The following EXD2 variants were observed in gnomAD, a reference collection of about 807,000 sequenced individuals.
EXD2 encodes exonuclease 3'-5' domain-containing protein 2.
In EXD2, 40 loss-of-function variants were observed where a neutral mutation model predicts 62.5. That is an observed-to-expected ratio of 0.64 (90% CI 0.50 to 0.83). The LOEUF (loss-of-function observed/expected upper bound fraction) is 0.83. EXD2 is among the 40% of genes least tolerant of loss of function. The pLI is 0.00. For missense variants in EXD2, 671 were observed against 761.8 expected (o/e 0.88, Z 1.40); for synonymous variants, 239 against 291.9 (o/e 0.82, Z 1.85).
At chr14:69,218,642 G>T (rs1444821322) in intron 3 of EXD2, among the ~76,000 whole-genome samples, 1 of 152,034 alleles carries the variant, frequency 6.6e-6, no homozygotes, top group Non-Finnish European at 1.5e-5. Flanking sequence ...ATGGTTTTAG[G>T]TCTAACATTT....
intron 8 of EXD2, 80 bp from the exon 9 acceptor site, chr14:69,237,495 C>A: frequency 7.5e-7 from 1 of 1,339,742 alleles, no homozygotes; most frequent in Non-Finnish European, 1.1e-6. Context: ...CCAGTTAGAA[C>A]CCCAGTAGCC....
chr14:69,222,935 C>T (rs779000269), intron 3 of EXD2, among the ~76,000 whole-genome samples: 2 of 152,174 alleles, frequency 1.3e-5, no homozygotes, highest in African/African-American at 2.4e-5. Flanking sequence ...TTAGAGAATT[C>T]ATGCCTCATA....
chr14:69,237,978 A>G (rs2043857297), intron 9 of EXD2, 47 bp downstream of exon 9: 1 of 1,483,752 alleles, frequency 6.7e-7, no homozygotes. Flanking sequence ...ATTAACCCTC[A>G]TTACTTAGTG....
At chr14:69,216,065 G>A (rs1195267166) in intron 3 of EXD2, among the ~76,000 whole-genome samples, 1 of 151,976 alleles carries the variant, frequency 6.6e-6, no homozygotes, top group Non-Finnish European at 1.5e-5. Flanking sequence ...GGAGTTTTAT[G>A]GTTTTAACCT....
Position 69,221,754 on chromosome 14 carries a change from C to T in EXD2, c.334-7062C>T, listed in dbSNP as rs139558184. ...CTGCACTACAGCCTGGGCAGCAAAG[C>T]GAGACCCTGTCTCCCCCTCCAAAAA... On this transcript the variant is annotated intron_variant, in intron 3 of 9. Coordinates refer to ENST00000685843, the MANE Select transcript of EXD2 (RefSeq NM_001193360.2). 2.1e-3 allele frequency among the ~76,000 whole-genome samples: 315 copies of T among 150,998 alleles called. 2 individuals carry two copies. The highest frequency in any genetic ancestry group is 7.1e-3 in the African/African-American group (290 of 41,076).
rs1187091842 is a variant in EXD2 at position 69,242,999 on chromosome 14, G to T, written c.*1899G>T. 2.0e-5 allele frequency: 3 copies of T among 152,090 alleles called. No individual in the cohort carries two copies. Among genetic ancestry groups the T allele is most frequent in the African/African-American group, 7.2e-5 (3 of 41,412 alleles). The allele number at this position is 152,090 out of a possible 1,614,324, so 9.4% of individuals were successfully genotyped here. A position where few individuals can be genotyped will look rare whatever the true frequency, so the allele number is the denominator to read the frequency against. ...TGCCAAGAGGTGAGAAACACTTAAGGTCATTTAAGGTGCTAGGGAAAGGGT... is the reference window on the plus strand; with the variant it reads ...TGCCAAGAGGTGAGAAACACTTAAGTTCATTTAAGGTGCTAGGGAAAGGGT... On this transcript the variant is annotated 3_prime_UTR_variant, in exon 10 of 10. Transcript: ENST00000685843.
At chr14:69,217,758 C>T (rs1216303586) in intron 3 of EXD2, among the ~76,000 whole-genome samples, 2 of 152,044 alleles carry the variant, frequency 1.3e-5, no homozygotes, top group Non-Finnish European at 2.9e-5. Flanking sequence ...TCTCATTGTT[C>T]AATTCCCACC....
At chr14:69,223,750 C>T (rs1215264701) in intron 3 of EXD2, among the ~76,000 whole-genome samples, 4 of 152,094 alleles carry the variant, frequency 2.6e-5, no homozygotes, top group African/African-American at 9.7e-5. Flanking sequence ...TACATATTTC[C>T]TTGCATAACA....
At chr14:69,231,840 T>G (rs538877144) in intron 5 of EXD2, among the ~76,000 whole-genome samples, 1 of 149,232 alleles carries the variant, frequency 6.7e-6, no homozygotes, top group South Asian at 2.1e-4. Context: ...TTAAATTCCA[T>G]GTCTTCTTCC....
At position 69,228,900 on chromosome 14, in the gene EXD2, A is replaced by G. The variant is rs768234242; in HGVS notation, c.418A>G (p.Lys140Glu). The G allele has an allele frequency of 6.2e-7, 1 of 1,614,104 alleles. No individual in the cohort carries two copies. The highest frequency in any genetic ancestry group is 1.7e-5 in the Admixed American group (1 of 60,006). ...CCTGTGTGTCTTGGTTCGCCTGCCCAAGCTAATCTGTGGAGGAAAAACACT... is the reference window on the plus strand; with the variant it reads ...CCTGTGTGTCTTGGTTCGCCTGCCCGAGCTAATCTGTGGAGGAAAAACACT... ...SGLCVLVRLP[K>E]LICGGKTLPR... Residue 140 changes from lysine to glutamate, a missense_variant, in exon 4 of 10, where the codon AAG becomes GAG. Transcript: ENST00000685843.
At chr14:69,230,691 A>G in intron 5 of EXD2, 93 bp downstream of exon 5, 1 of 1,413,302 alleles carries the variant, frequency 7.1e-7, no homozygotes, top group Non-Finnish European at 9.5e-7. Context: ...TAGTATAAGT[A>G]TTGGATGGAG....
At chr14:69,191,876 T>C in intron 1 of EXD2, 1 of 152,392 alleles carries the variant, frequency 6.6e-6, no homozygotes, top group Non-Finnish European at 1.5e-5. Flanking sequence ...TCCTTGGGCC[T>C]CTCCTTTCGA....
rs1416857925 is a variant in EXD2 at position 69,241,869 on chromosome 14, G to C, written c.*769G>C. On this transcript the variant is annotated 3_prime_UTR_variant, in exon 10 of 10. Coordinates refer to ENST00000685843, the MANE Select transcript of EXD2 (RefSeq NM_001193360.2). ...AGCTTTTCCTTTCATGCTGTTTGTT[G>C]CCTGCTTGTTGCACTCCTCCTGCCC... The C allele has an allele frequency of 2.5e-6, 1 of 398,884 alleles. No homozygotes were observed. Among genetic ancestry groups the C allele is most frequent in the African/African-American group, 2.1e-5 (1 of 48,592 alleles). 24.7% of individuals were successfully genotyped at this position (398,884 alleles called of 1,614,324 possible). A position where few individuals can be genotyped will look rare whatever the true frequency, so the allele number is the denominator to read the frequency against.
chr14:69,220,434 C>A (rs1265711419), intron 3 of EXD2, among the ~76,000 whole-genome samples: 5 of 149,334 alleles, frequency 3.3e-5, no homozygotes, highest in Non-Finnish European at 7.4e-5. Context: ...CCATGCCCGG[C>A]TAATTTTTTG....
chr14:69,205,920 A>AT (rs778422007), intron 2 of EXD2, among the ~76,000 whole-genome samples: 13 of 151,708 alleles, frequency 8.6e-5, no homozygotes, highest in Non-Finnish European at 1.6e-4. Flanking sequence ...TTTTTAATTT[A>AT]TTTTTTATTT....
In EXD2 at chr14:69,220,253, G is replaced by GTTTTTTGTTTTTTTTTTTTTT. The variant is rs2043126549; in HGVS notation, c.334-8557_334-8556insGTTTTTTTTTTTTTTTTTTTT. ...CTCTCAGCAAGTGTTTTGTCTCTCT[G>GTTTTTTGTTTTTTTTTTTTTT]TTTTTTTTTTTTTTTTTTTTTTTTT... On this transcript the variant is annotated intron_variant, in intron 3 of 9. Transcript: ENST00000685843. Among the ~76,000 whole-genome samples the GTTTTTTGTTTTTTTTTTTTTT allele has an allele frequency of 8.5e-5, 3 of 35,096 alleles. 1 individual carries two copies. The highest frequency in any genetic ancestry group is 1.5e-4 in the Non-Finnish European group (3 of 20,218). The allele number at this position is 35,096 out of a possible 152,430, so 23.0% of individuals were successfully genotyped here. A position where few individuals can be genotyped will look rare whatever the true frequency, so the allele number is the denominator to read the frequency against.
At chr14:69,237,445 T>G in intron 8 of EXD2, 130 bp from the exon 9 acceptor site, 1 of 761,446 alleles carries the variant, frequency 1.3e-6, no homozygotes, top group Non-Finnish European at 2.3e-6. Context: ...TGATCTGTGT[T>G]GGGCGGTGGT....
At chr14:69,235,558 G>A (rs1468312804) in intron 6 of EXD2, 6 of 224,888 alleles carry the variant, frequency 2.7e-5, no homozygotes, top group Non-Finnish European at 5.3e-5. Flanking sequence ...TGACTAATAA[G>A]TACTTTGGAG....
At chr14:69,235,564 T>G (rs2043752336) in intron 6 of EXD2, 2 of 228,776 alleles carry the variant, frequency 8.7e-6, no homozygotes, top group African/African-American at 4.7e-5. Context: ...ATAAGTACTT[T>G]GGAGCATAAA....
Sources: gnomAD v4.1 joint callset for allele counts (sites outside exome capture counted in the v4.1 genomes callset) on GRCh38, gnomAD v4.1.1 for gene constraint, MANE v1.5 for transcripts, NCBI Gene and HGNC (gene_info 2026-07-23, HGNC 2026-07-21) for gene names.